Variants in LRRIQ1 observed in about 807,000 individuals in gnomAD.
LRRIQ1 encodes leucine rich repeats and IQ motif containing 1.
In LRRIQ1, 210 loss-of-function variants were observed where a neutral mutation model predicts 211.9. The ratio of observed to expected loss-of-function variants is 0.99; its 90% CI spans 0.89 to 1.11. The LOEUF is 1.11. Among genes scored for constraint, LRRIQ1 ranks in the 50% most tolerant of loss-of-function variants. LRRIQ1 has a pLI of 0.00. For missense variants in LRRIQ1, 2,136 were observed against 1,939.5 expected (o/e 1.10, Z -1.90); for synonymous variants, 699 against 650.1 (o/e 1.08, Z -1.14).
chr12:85,237,103 TTTATTTGTTTTCCTAA>T (rs1346540163), intron 26 of LRRIQ1, among the ~76,000 whole-genome samples: 1 of 152,074 alleles, frequency 6.6e-6, no homozygotes, highest in Non-Finnish European at 1.5e-5. Flanking sequence ...TTAATACCAA[TTTATTTGTTTTCCTAA>T]TTGTTTCTGC....
chr12:85,128,107 A>T, intron 18 of LRRIQ1, 74 bp downstream of exon 18: 1 of 1,108,434 alleles, frequency 9.0e-7, no homozygotes, highest in Non-Finnish European at 1.3e-6. Flanking sequence ...TCTGTATTAA[A>T]AATAACCTCC....
intron 24 of LRRIQ1, among the ~76,000 whole-genome samples, chr12:85,188,305 T>C (rs1892328217): frequency 6.6e-6 from 1 of 152,012 alleles, no homozygotes; most frequent in South Asian, 2.1e-4. Context: ...TACAAGGTGC[T>C]GTTAAAGTAT....
At chr12:85,093,758 A>G (rs1278656664) in intron 11 of LRRIQ1, among the ~76,000 whole-genome samples, 1 of 152,228 alleles carries the variant, frequency 6.6e-6, no homozygotes, top group African/African-American at 2.4e-5. Flanking sequence ...GGAATTTTGG[A>G]TGCAACAAGT....
At chr12:85,100,911 C>T (rs1886301390) in intron 13 of LRRIQ1, among the ~76,000 whole-genome samples, 1 of 151,714 alleles carries the variant, frequency 6.6e-6, no homozygotes, top group South Asian at 2.1e-4. Flanking sequence ...TATGCTCTTA[C>T]ATGTGAAATG....
Position 85,098,482 on chromosome 12 carries a change from T to C in LRRIQ1, c.3015T>C (p.Asp1005=), listed in dbSNP as rs753528223. 1 of 1,612,026 alleles carries C rather than the reference T, an allele frequency of 6.2e-7. No individual in the cohort carries two copies. Among genetic ancestry groups the C allele is most frequent in the Non-Finnish European group, 8.5e-7 (1 of 1,179,088 alleles). Residue 1005 remains aspartate (D), a synonymous_variant, in exon 12 of 27, where the codon GAT becomes GAC. Coordinates refer to ENST00000393217, the MANE Select transcript of LRRIQ1 (RefSeq NM_001079910.2). ...YLDCSHNHLT[D]VEGVENCGLL... ...ATTGCTCCCATAATCATCTTACTGA[T>C]GTAGAGGGCGTTGAAAATTGTGGAT...
At chr12:85,253,268 A>G (rs181611194) in intron 1 of LRRIQ1, among the ~76,000 whole-genome samples, 119 of 152,190 alleles carry the variant, frequency 7.8e-4, no homozygotes, top group African/African-American at 2.8e-3. Context: ...AAACATAAAT[A>G]CATGGTTCAC....
chr12:85,044,472 C>G (rs963302883), intron 3 of LRRIQ1, among the ~76,000 whole-genome samples: 6 of 151,906 alleles, frequency 3.9e-5, no homozygotes, highest in African/African-American at 1.2e-4. Flanking sequence ...ACTTCAGGCA[C>G]TAGAATATGG....
chr12:85,043,022 ATATT>A (rs1249353184), intron 3 of LRRIQ1, among the ~76,000 whole-genome samples: 2 of 152,080 alleles, frequency 1.3e-5, no homozygotes, highest in African/African-American at 2.4e-5. Context: ...GATGTTCTAA[ATATT>A]TATTGCTGTG....
At position 85,107,017 on chromosome 12, in the gene LRRIQ1, G is replaced by A. The variant is rs112740212; in HGVS notation, c.3377+402G>A. Among the ~76,000 whole-genome samples the A allele has an allele frequency of 1.8e-3, 274 of 152,084 alleles. 2 individuals carry two copies. The highest frequency in any genetic ancestry group is 6.5e-3 in the African/African-American group (270 of 41,538). The stretch of plus-strand genomic sequence containing the variant: ...GGTTTTGTTTTATTTTCCTAATAGA[G>A]AAGGATGGTGTCTGTTAAAAAGTTT... On this transcript the variant is annotated intron_variant, in intron 15 of 26. Transcript: ENST00000393217.
chr12:85,099,303 T>A (rs1886160583), intron 13 of LRRIQ1, among the ~76,000 whole-genome samples: 1 of 151,820 alleles, frequency 6.6e-6, no homozygotes, highest in African/African-American at 2.4e-5. Context: ...GCATAGTCCT[T>A]GGAAAATACA....
intron 15 of LRRIQ1, among the ~76,000 whole-genome samples, chr12:85,113,446 C>T (rs916590595): frequency 6.6e-6 from 1 of 151,878 alleles, no homozygotes; most frequent in Non-Finnish European, 1.5e-5. Context: ...CTAAAACAGC[C>T]AACTAAAATG....
chr12:85,069,718 T>C (rs1032785765), intron 10 of LRRIQ1, among the ~76,000 whole-genome samples: 4 of 152,184 alleles, frequency 2.6e-5, no homozygotes, highest in African/African-American at 9.6e-5. Context: ...TTCATGTGTT[T>C]TTTGGCTGCA....
intron 18 of LRRIQ1, among the ~76,000 whole-genome samples, chr12:85,128,588 G>T (rs1417593029): frequency 6.6e-6 from 1 of 152,054 alleles, no homozygotes; most frequent in East Asian, 1.9e-4. Context: ...TATAGAGTGA[G>T]ACCTTGTCTC....
intron 7 of LRRIQ1, among the ~76,000 whole-genome samples, chr12:85,055,279 C>G (rs990020654): frequency 4.6e-5 from 7 of 151,814 alleles, no homozygotes; most frequent in South Asian, 2.1e-4. Context: ...TATATGCTTT[C>G]TATCTTCAAG....
chr12:85,211,973 TA>T (rs886225563), intron 24 of LRRIQ1, among the ~76,000 whole-genome samples: 60 of 152,064 alleles, frequency 3.9e-4, no homozygotes, highest in African/African-American at 1.4e-3. Flanking sequence ...ACAAAAGGTT[TA>T]AAAAAATGGG....
intron 24 of LRRIQ1, among the ~76,000 whole-genome samples, chr12:85,161,471 T>C (rs1417189541): frequency 6.6e-6 from 1 of 152,086 alleles, no homozygotes; most frequent in Non-Finnish European, 1.5e-5. Flanking sequence ...AACCTATAGT[T>C]TGGATAGCAA....
At chr12:85,226,285 A>C (rs1404552599) in intron 24 of LRRIQ1, among the ~76,000 whole-genome samples, 1 of 152,140 alleles carries the variant, frequency 6.6e-6, no homozygotes. Context: ...TTATTACAAA[A>C]GGATTCTCTC....
In LRRIQ1 at chr12:85,104,032, T is replaced by G; in HGVS notation, c.3238T>G (p.Phe1080Val). 1 of 1,569,866 alleles carries G rather than the reference T, an allele frequency of 6.4e-7. No individual in the cohort carries two copies. The highest frequency in any genetic ancestry group is 8.6e-7 in the Non-Finnish European group (1 of 1,157,906). ...SLTKIVPLFH[F>V]VSLEKLDVSH... Reference sequence around the variant, plus strand: ...GACTAAAATCGTACCACTTTTTCATTTTGTTTCATTGGAAAAGCTAGATGT... The same window carrying G: ...GACTAAAATCGTACCACTTTTTCATGTTGTTTCATTGGAAAAGCTAGATGT... The change falls in exon 14 of 27, where the codon TTT (phenylalanine) becomes GTT (valine). Residue 1080 changes from phenylalanine to valine, a missense_variant. Physicochemically the swap from Phe to Val is conservative, Grantham distance 50. Transcript: ENST00000393217.
rs560788379 is a variant in LRRIQ1 at position 85,181,992 on chromosome 12, C to G, written c.4822+21278C>G. Among the ~76,000 whole-genome samples, 7 of 151,816 alleles carry G rather than the reference C, an allele frequency of 4.6e-5. No homozygotes were observed. In the South Asian group the frequency reaches 1.5e-3, roughly 32 times the overall value. ...ATATATTATTGAAATATTGAGAAAG[C>G]CTTTCTATTGTTATATGTGTCAGTA... On this transcript the variant is annotated intron_variant, in intron 24 of 26. Transcript: ENST00000393217.
Sources: allele counts gnomAD v4.1 joint callset (sites outside exome capture counted in the v4.1 genomes callset), GRCh38; gene constraint gnomAD v4.1.1; transcripts MANE v1.5; gene names NCBI Gene and HGNC (gene_info 2026-07-23, HGNC 2026-07-21).